KIF21A: variants seen among roughly 807,000 people sequenced by gnomAD.
The protein encoded by KIF21A is kinesin family member 21A.
KIF21A carries 114 observed loss-of-function variants against 202.9 expected under a neutral mutation model. The ratio of observed to expected loss-of-function variants is 0.56; its 90% CI spans 0.48 to 0.66. The LOEUF (loss-of-function observed/expected upper bound fraction) is 0.66, where lower values mean the gene tolerates loss of function less well. Among genes scored for constraint, KIF21A ranks in the 30% least tolerant of loss-of-function variants. KIF21A has a pLI of 0.00. For missense variants in KIF21A, 1,677 were observed against 1,994.9 expected (o/e 0.84, Z 3.04); for synonymous variants, 667 against 670.8 (o/e 0.99, Z 0.09).
At chr12:39,301,389 G>A (rs1942946450) in intron 37 of KIF21A, 91 bp downstream of exon 37, 19 of 996,408 alleles carry the variant, frequency 1.9e-5, no homozygotes, top group Non-Finnish European at 2.4e-5. Flanking sequence ...GAAGGATTTT[G>A]TATATTCAAC....
At chr12:39,420,074 TAAA>T (rs72435342) in intron 1 of KIF21A, among the ~76,000 whole-genome samples, 87 of 83,098 alleles carry the variant, frequency 1.0e-3, no homozygotes, top group African/African-American at 3.2e-3. Context: ...AGACAGAAAG[TAAA>T]AAAAAAAAAA....
chr12:39,338,992 G>A (rs1235434634), intron 16 of KIF21A, among the ~76,000 whole-genome samples: 3 of 152,086 alleles, frequency 2.0e-5, no homozygotes, highest in Non-Finnish European at 4.4e-5. Flanking sequence ...AAGTATACAA[G>A]TTTTGGCTGG....
chr12:39,375,726 T>C (rs1950230687), intron 1 of KIF21A, among the ~76,000 whole-genome samples: 1 of 152,134 alleles, frequency 6.6e-6, no homozygotes, highest in African/African-American at 2.4e-5. Flanking sequence ...TCTGTCACTA[T>C]TTATGATACA....
chr12:39,350,175 G>A (rs1439949205), intron 11 of KIF21A, among the ~76,000 whole-genome samples: 1 of 151,714 alleles, frequency 6.6e-6, no homozygotes, highest in Non-Finnish European at 1.5e-5. Context: ...TGTTTGATGA[G>A]TTCTTATTAG....
intron 1 of KIF21A, among the ~76,000 whole-genome samples, chr12:39,377,136 T>C (rs1227255225): frequency 1.3e-5 from 2 of 152,086 alleles, no homozygotes; most frequent in Non-Finnish European, 1.5e-5. Flanking sequence ...CTTTGTGTAG[T>C]TCTTTTACTT....
At chr12:39,315,284 G>C (rs749564487) in intron 30 of KIF21A, 44 bp from the exon 31 acceptor site, 1 of 1,583,496 alleles carries the variant, frequency 6.3e-7, no homozygotes, top group Non-Finnish European at 8.7e-7. Flanking sequence ...AGGAAAACAA[G>C]TGCAAAGAGG....
intron 1 of KIF21A, among the ~76,000 whole-genome samples, chr12:39,394,739 T>C (rs1951609199): frequency 6.6e-6 from 1 of 152,204 alleles, no homozygotes; most frequent in East Asian, 1.9e-4. Context: ...ATTTCAGGTG[T>C]CATTGCCTTT....
chr12:39,396,497 C>T (rs878873570), intron 1 of KIF21A, among the ~76,000 whole-genome samples: 1 of 152,098 alleles, frequency 6.6e-6, no homozygotes, highest in Non-Finnish European at 1.5e-5. Flanking sequence ...TTTTTACGTC[C>T]CTAAGCAGGA....
chr12:39,389,694 T>G (rs1262654728), intron 1 of KIF21A, among the ~76,000 whole-genome samples: 1 of 152,220 alleles, frequency 6.6e-6, no homozygotes, highest in Non-Finnish European at 1.5e-5. Context: ...AATGACCACC[T>G]TCTTCTAGGA....
intron 1 of KIF21A, among the ~76,000 whole-genome samples, chr12:39,428,715 T>G (rs11172109): frequency 0.082 from 12,420 of 152,210 alleles, 637 homozygotes; most frequent in South Asian, 0.28. Flanking sequence ...ATCCCAGCAC[T>G]TTGGGAGGCC....
chr12:39,316,090 T>C (rs745339689), intron 29 of KIF21A, 120 bp from the exon 30 acceptor site: 70 of 763,038 alleles, frequency 9.2e-5, no homozygotes, highest in Non-Finnish European at 1.5e-4. Context: ...ATTTCCTTCA[T>C]AGTGCCCTGC....
At chr12:39,394,514 T>A (rs1266296655) in intron 1 of KIF21A, among the ~76,000 whole-genome samples, 1 of 152,242 alleles carries the variant, frequency 6.6e-6, no homozygotes, top group Non-Finnish European at 1.5e-5. Flanking sequence ...ATAGTTTACA[T>A]TAGTTCCAAT....
intron 9 of KIF21A, 138 bp from the exon 10 acceptor site, chr12:39,357,033 T>C (rs1173120815): frequency 1.5e-6 from 1 of 654,154 alleles, no homozygotes; most frequent in East Asian, 2.7e-5. Context: ...CTTTATTACA[T>C]GAGCAGACCA....
intron 8 of KIF21A, 64 bp downstream of exon 8, chr12:39,358,114 T>C: frequency 3.0e-6 from 4 of 1,330,108 alleles, no homozygotes; most frequent in East Asian, 2.3e-5. Flanking sequence ...TAAGGCATTA[T>C]TGTGTTCAGA....
intron 1 of KIF21A, among the ~76,000 whole-genome samples, chr12:39,441,257 C>T (rs1172330075): frequency 6.6e-6 from 1 of 152,132 alleles, no homozygotes; most frequent in African/African-American, 2.4e-5. Flanking sequence ...TCATCCATGG[C>T]TCTACAGGCA....
At chr12:39,306,505 TTTA>T (rs1360564892) in intron 34 of KIF21A, among the ~76,000 whole-genome samples, 2 of 152,192 alleles carry the variant, frequency 1.3e-5, no homozygotes, top group African/African-American at 4.8e-5. Context: ...ATAAATTATG[TTTA>T]TTATATTTTG....
intron 33 of KIF21A, among the ~76,000 whole-genome samples, chr12:39,309,219 C>T (rs1268699534): frequency 6.6e-6 from 1 of 152,082 alleles, no homozygotes; most frequent in Non-Finnish European, 1.5e-5. Context: ...TGATTTCAGC[C>T]ATTTCCCAAG....
intron 29 of KIF21A, among the ~76,000 whole-genome samples, 183 bp downstream of exon 29, chr12:39,317,890 A>G (rs188005251): frequency 6.6e-6 from 1 of 152,346 alleles, no homozygotes; most frequent in Admixed American, 6.5e-5. Flanking sequence ...CAGCAGGAAA[A>G]TAATTTTCTC....
At chr12:39,332,443 T>C (rs751020447) in intron 20 of KIF21A, 35 bp from the exon 21 acceptor site, 4 of 1,604,422 alleles carry the variant, frequency 2.5e-6, no homozygotes, top group Middle Eastern at 1.7e-4. Context: ...TAAGAAATTA[T>C]GTTCACTTAT....
Sources: gnomAD v4.1 joint callset for allele counts (sites outside exome capture counted in the v4.1 genomes callset) on GRCh38, gnomAD v4.1.1 for gene constraint, MANE v1.5 for transcripts, NCBI Gene and HGNC (gene_info 2026-07-23, HGNC 2026-07-21) for gene names.